Variants in MGAT5 observed in about 807,000 individuals in gnomAD.
MGAT5 encodes alpha-1,6-mannosylglycoprotein 6-beta-N-acetylglucosaminyltransferase A.
MGAT5 carries 30 observed loss-of-function variants against 94.3 expected under a neutral mutation model. The ratio of observed to expected loss-of-function variants is 0.32; its 90% CI spans 0.24 to 0.43. The LOEUF (loss-of-function observed/expected upper bound fraction) is 0.43, where lower values mean the gene tolerates loss of function less well. MGAT5 is among the 20% of genes least tolerant of loss of function. The probability of loss-of-function intolerance (pLI) is 1.00; values close to 1 mark genes in which losing one functional copy is unlikely to be tolerated. For missense variants in MGAT5, 691 were observed against 905.5 expected (o/e 0.76, Z 3.04); for synonymous variants, 310 against 322.9 (o/e 0.96, Z 0.43).
intron 1 of MGAT5, among the ~76,000 whole-genome samples, chr2:134,216,896 A>G (rs762259962): frequency 6.6e-6 from 1 of 152,194 alleles, no homozygotes; most frequent in Non-Finnish European, 1.5e-5. Flanking sequence ...TAGTCTGCAC[A>G]TGACAGGAAT....
chr2:134,249,326 AT>A (rs1682457752), upstream of MGAT5, among the ~76,000 whole-genome samples: 1 of 150,842 alleles, frequency 6.6e-6, no homozygotes, highest in African/African-American at 2.4e-5. Context: ...CCACAGAATT[AT>A]GCTCCTATCA....
At chr2:134,296,453 CT>C (rs796945889) in intron 2 of MGAT5, among the ~76,000 whole-genome samples, 1 of 151,212 alleles carries the variant, frequency 6.6e-6, no homozygotes, top group East Asian at 1.9e-4. Context: ...GTTAAATATT[CT>C]TTTTTTTTCC....
intron 2 of MGAT5, among the ~76,000 whole-genome samples, chr2:134,313,262 A>G (rs1365433429): frequency 6.6e-6 from 1 of 152,022 alleles, no homozygotes; most frequent in Non-Finnish European, 1.5e-5. Flanking sequence ...TGTATTTGTG[A>G]CATCTCGTGC....
chr2:134,223,917 T>C (rs1468259394), intron 1 of MGAT5, among the ~76,000 whole-genome samples: 1 of 152,216 alleles, frequency 6.6e-6, no homozygotes, highest in Non-Finnish European at 1.5e-5. Flanking sequence ...ATTGAACTTA[T>C]ACAGACAACT....
rs1325828665 is a variant in MGAT5 at position 134,450,263 on chromosome 2, C to T, written c.*1416C>T. ...TCTGCCTAATGTGAGCGGTTGGCGT[C>T]CTCCACTTGGCCTCTGCTGGGCGCC... On this transcript the variant is annotated 3_prime_UTR_variant, in exon 16 of 16. Transcript: ENST00000281923. 1 of 152,296 alleles carries T rather than the reference C, an allele frequency of 6.6e-6. No individual in the cohort carries two copies. The highest frequency in any genetic ancestry group is 2.4e-5 in the African/African-American group (1 of 41,458). 9.4% of individuals were successfully genotyped at this position (152,296 alleles called of 1,614,324 possible).
At chr2:134,410,033 A>T (rs1683556624) in intron 11 of MGAT5, among the ~76,000 whole-genome samples, 1 of 152,216 alleles carries the variant, frequency 6.6e-6, no homozygotes, top group African/African-American at 2.4e-5. Flanking sequence ...GGTGAAGTAT[A>T]AGTAAAATAT....
At chr2:134,319,554 T>G (rs942350105) in intron 4 of MGAT5, 3 of 163,310 alleles carry the variant, frequency 1.8e-5, no homozygotes, top group Non-Finnish European at 4.0e-5. Flanking sequence ...TGGTATCAGT[T>G]GCACAGTGGG....
At chr2:134,416,625 C>T (rs756670259) in intron 12 of MGAT5, among the ~76,000 whole-genome samples, 4 of 151,904 alleles carry the variant, frequency 2.6e-5, no homozygotes, top group African/African-American at 9.7e-5. Context: ...TTGTGTGCCA[C>T]GACACCTCGC....
Position 134,450,584 on chromosome 2 carries a change from C to T in MGAT5, c.*1737C>T, listed in dbSNP as rs1406385712. On this transcript the variant is annotated 3_prime_UTR_variant, in exon 16 of 16. Transcript: ENST00000281923. ...GCTCAGTGCGTCTCAATTGTATCTCCAGTCTAAGAGGAGGGTGGGGGGCAC... is the reference window on the plus strand; with the variant it reads ...GCTCAGTGCGTCTCAATTGTATCTCTAGTCTAAGAGGAGGGTGGGGGGCAC... 1 of 151,880 alleles carries T rather than the reference C, an allele frequency of 6.6e-6. No individual in the cohort carries two copies. The highest frequency in any genetic ancestry group is 1.5e-5 in the Non-Finnish European group (1 of 68,086). 9.4% of individuals were successfully genotyped at this position (151,880 alleles called of 1,614,324 possible).
intron 1 of MGAT5, among the ~76,000 whole-genome samples, chr2:134,266,245 T>TGCTCTG (rs1683708832): frequency 6.6e-6 from 1 of 152,136 alleles, no homozygotes; most frequent in East Asian, 1.9e-4. Flanking sequence ...GATGGAGTAT[T>TGCTCTG]GCTCTGGCTC....
chr2:134,336,796 A>G (rs1397678916), intron 5 of MGAT5, among the ~76,000 whole-genome samples: 1 of 152,136 alleles, frequency 6.6e-6, no homozygotes, highest in Non-Finnish European at 1.5e-5. Context: ...GCATGCACGC[A>G]TGGTTCAGTT....
At chr2:134,378,950 C>T (rs1681369385) in intron 10 of MGAT5, among the ~76,000 whole-genome samples, 1 of 152,152 alleles carries the variant, frequency 6.6e-6, no homozygotes, top group Non-Finnish European at 1.5e-5. Context: ...TGAGAGCATT[C>T]AGTGCAGTTC....
At chr2:134,154,210 T>C (rs992348085) in intron 1 of MGAT5, among the ~76,000 whole-genome samples, 1 of 152,158 alleles carries the variant, frequency 6.6e-6, no homozygotes, top group Non-Finnish European at 1.5e-5. Context: ...AGGGAACGGA[T>C]GGCACGCAGG....
At position 134,336,368 on chromosome 2, in the gene MGAT5, A is replaced by G. The variant is rs1038059012; in HGVS notation, c.645+80A>G. 3 of 1,185,334 alleles carry G rather than the reference A, an allele frequency of 2.5e-6. No homozygotes were observed. The African/African-American group carries it at 4.6e-5, about 18-fold the overall frequency. The allele number at this position is 1,185,334 out of a possible 1,614,324, so 73.4% of individuals were successfully genotyped here. On this transcript the variant is annotated intron_variant, in intron 5 of 15. Coordinates refer to ENST00000281923, the MANE Select transcript of MGAT5 (RefSeq NM_002410.5). ...GTGATACATGTGGAATCTTCTAGAA[A>G]TGCCAACTATAACCTGAAATAGTGT...
chr2:134,123,373 G>A (rs1417554670), intron 1 of MGAT5, among the ~76,000 whole-genome samples: 4 of 152,224 alleles, frequency 2.6e-5, no homozygotes, highest in African/African-American at 9.6e-5. Context: ...GATGGGCAGT[G>A]ACTAGTGTAC....
intron 2 of MGAT5, among the ~76,000 whole-genome samples, chr2:134,288,492 A>G (rs1573711329): frequency 6.6e-6 from 1 of 152,060 alleles, no homozygotes; most frequent in African/African-American, 2.4e-5. Flanking sequence ...CAGCAAATCT[A>G]GAATATTTAC....
intron 9 of MGAT5, among the ~76,000 whole-genome samples, chr2:134,351,115 T>G (rs1679354747): frequency 6.6e-6 from 1 of 152,236 alleles, no homozygotes; most frequent in Non-Finnish European, 1.5e-5. Context: ...AAGTGTTCTA[T>G]TAAGCTCAGA....
upstream of MGAT5, among the ~76,000 whole-genome samples, chr2:134,249,473 A>G (rs959886337): frequency 1.3e-5 from 2 of 152,104 alleles, no homozygotes; most frequent in African/African-American, 4.8e-5. Context: ...AGATTTGCCT[A>G]TTCTAGACAT....
chr2:134,354,105 T>G (rs937585635), intron 9 of MGAT5, among the ~76,000 whole-genome samples: 1 of 152,200 alleles, frequency 6.6e-6, no homozygotes, highest in African/African-American at 2.4e-5. Flanking sequence ...CCTTTGAATA[T>G]CAAAACTTCT....
Sources: allele counts gnomAD v4.1 joint callset (sites outside exome capture counted in the v4.1 genomes callset), GRCh38; gene constraint gnomAD v4.1.1; transcripts MANE v1.5; gene names NCBI Gene and HGNC (gene_info 2026-07-23, HGNC 2026-07-21).